GBP1: variants seen among roughly 807,000 people sequenced by gnomAD.
GBP1 encodes the protein guanylate binding protein 1.
In GBP1, 64 loss-of-function variants were observed where a neutral mutation model predicts 69.5. The observed-to-expected ratio is 0.92, with a 90% CI of 0.75 to 1.13. The LOEUF (loss-of-function observed/expected upper bound fraction) is 1.13, where lower values mean the gene tolerates loss of function less well. Among genes scored for constraint, GBP1 ranks in the 50% most tolerant of loss-of-function variants. GBP1 has a pLI of 0.00. For missense variants in GBP1, 630 were observed against 704.1 expected (o/e 0.89, Z 1.19); for synonymous variants, 250 against 261.2 (o/e 0.96, Z 0.41).
intron 4 of GBP1, 40 bp from the exon 5 acceptor site, chr1:89,059,083 G>A (rs1427594178): frequency 1.1e-5 from 17 of 1,612,810 alleles, no homozygotes; most frequent in African/African-American, 1.3e-5. Flanking sequence ...AATGAACAGG[G>A]ACCTCATCCC....
At chr1:89,056,537 T>C (rs1225878200) in intron 7 of GBP1, among the ~76,000 whole-genome samples, 1 of 152,210 alleles carries the variant, frequency 6.6e-6, no homozygotes, top group East Asian at 1.9e-4. Context: ...TCAAGATAAG[T>C]AGGATGAAAA....
chr1:89,054,017 A>G (rs1246449052), intron 10 of GBP1, among the ~76,000 whole-genome samples: 1 of 152,228 alleles, frequency 6.6e-6, no homozygotes, highest in Non-Finnish European at 1.5e-5. Context: ...AGCTGTGTGA[A>G]CTTAATTATT....
chr1:89,061,505 C>T (rs1240293995), intron 2 of GBP1, among the ~76,000 whole-genome samples: 1 of 151,944 alleles, frequency 6.6e-6, no homozygotes, highest in East Asian at 1.9e-4. Flanking sequence ...CAAATATGAA[C>T]TCAAAATGGA....
intron 6 of GBP1, among the ~76,000 whole-genome samples, chr1:89,057,339 T>C (rs1020036285): frequency 6.6e-6 from 1 of 152,240 alleles, no homozygotes; most frequent in Non-Finnish European, 1.5e-5. Context: ...CCTCAGAAGA[T>C]ATGTATGCAT....
At position 89,053,327 on chromosome 1, in the gene GBP1, G is replaced by T. The variant is rs760555399; in HGVS notation, c.*28C>A. The T allele has an allele frequency of 1.9e-6, 3 of 1,571,616 alleles. No individual in the cohort carries two copies. The African/African-American group carries it at 4.1e-5, about 21-fold the overall frequency. ...CTAAAATTGTTTCAATTATGCCTTG[G>T]TTAGGGGTGACAGGAAGGCTCTGGT... On this transcript the variant is annotated 3_prime_UTR_variant, in exon 11 of 11. Coordinates refer to ENST00000370473, the MANE Select transcript of GBP1 (RefSeq NM_002053.3).
At chr1:89,058,569 TAGA>T in intron 5 of GBP1, 2 of 556,528 alleles carry the variant, frequency 3.6e-6, no homozygotes, top group Non-Finnish European at 6.4e-6. Flanking sequence ...TATGGCTAAG[TAGA>T]AGATCACAAA....
intron 5 of GBP1, 35 bp from the exon 6 acceptor site, chr1:89,058,269 A>G (rs1259986734): frequency 6.5e-7 from 1 of 1,530,116 alleles, no homozygotes; most frequent in Middle Eastern, 1.8e-4. Flanking sequence ...AAAATTGCCT[A>G]ATATAAGTGT....
chr1:89,058,840 C>G lies in GBP1; in HGVS notation c.631+1G>C. On this transcript the variant is annotated splice_donor_variant, in intron 5 of 10. Transcript: ENST00000370473. LOFTEE classifies it high-confidence loss of function. ...ATTTATCAGTTGAAGCTCTCTGTTACCTTTCTTCAGCTTCAGGGAGTATGT... is the reference window on the plus strand; with the variant it reads ...ATTTATCAGTTGAAGCTCTCTGTTAGCTTTCTTCAGCTTCAGGGAGTATGT... 1 of 1,613,878 alleles carries G rather than the reference C, an allele frequency of 6.2e-7. No individual in the cohort carries two copies. Among genetic ancestry groups the G allele is most frequent in the Non-Finnish European group, 8.5e-7 (1 of 1,179,756 alleles).
chr1:89,060,642 T>C (rs1680156056), intron 2 of GBP1, among the ~76,000 whole-genome samples: 1 of 152,190 alleles, frequency 6.6e-6, no homozygotes, highest in Non-Finnish European at 1.5e-5. Flanking sequence ...TATAACATCA[T>C]GAACAAGAAA....
In GBP1 at chr1:89,059,417, G is replaced by T. The variant is rs1680128395; in HGVS notation, c.328C>A (p.Gln110Lys). 6.2e-7 allele frequency: 1 copy of T among 1,613,896 alleles called. No homozygotes were observed. The highest frequency in any genetic ancestry group is 1.3e-5 in the African/African-American group (1 of 74,886). The change falls in exon 4 of 11, where the codon CAG becomes AAG. Residue 110 changes from glutamine (Q) to lysine (K), a missense_variant. Transcript: ENST00000370473. ...GLGDVEKGDN[Q>K]NDSWIFALAV... The stretch of plus-strand genomic sequence containing the variant: ...AGGGCGAAGATCCAGGAGTCATTCT[G>T]GTTGTCACCCTGGAAGTCAAGACAC...
At position 89,058,022 on chromosome 1, in the gene GBP1, G is replaced by C. The variant is rs775940254; in HGVS notation, c.844C>G (p.Leu282Val). The change falls in exon 6 of 11, where the codon CTT becomes GTT. Residue 282 changes from leucine to valine, a missense_variant. Physicochemically the swap from Leu to Val is conservative, Grantham distance 32 (BLOSUM62 1). Transcript: ENST00000370473. The part of the protein sequence containing the change: ...YIFSNSKTKT[L>V]SGGIQVNGPR... Reference sequence around the variant, plus strand: ...CCGTTGACCTGGATGCCTCCTGAAAGAGTTTTAGTTTTGGAATTACTAAAG... The same window carrying C: ...CCGTTGACCTGGATGCCTCCTGAAACAGTTTTAGTTTTGGAATTACTAAAG... 3 of 1,613,680 alleles carry C rather than the reference G, an allele frequency of 1.9e-6. No individual in the cohort carries two copies. Among genetic ancestry groups the C allele is most frequent in the South Asian group, 2.2e-5 (2 of 91,050 alleles).
In GBP1 at chr1:89,053,215, A is replaced by T. The variant is rs1679962073; in HGVS notation, c.*140T>A. 1.0e-5 allele frequency: 5 copies of T among 500,872 alleles called. No homozygotes were observed. The highest frequency in any genetic ancestry group is 7.8e-5 in the Admixed American group (2 of 25,478). The allele number at this position is 500,872 out of a possible 1,614,324, so 31.0% of individuals were successfully genotyped here. On this transcript the variant is annotated 3_prime_UTR_variant, in exon 11 of 11. Transcript: ENST00000370473. ...TTTTTTAAGAAAAAACATGATTTTGATCATTGTACCACATGCCTTTATAAA... is the reference window on the plus strand; with the variant it reads ...TTTTTTAAGAAAAAACATGATTTTGTTCATTGTACCACATGCCTTTATAAA...
chr1:89,055,892 G>A, intron 8 of GBP1, 124 bp downstream of exon 8: 1 of 1,178,058 alleles, frequency 8.5e-7, no homozygotes, highest in Non-Finnish European at 1.3e-6. Context: ...ATATGTTATT[G>A]AATAAAAGCA....
In GBP1 at chr1:89,056,766, C is replaced by A. The variant is rs1475500349; in HGVS notation, c.1155+88G>T. On this transcript the variant is annotated intron_variant, in intron 7 of 10. Coordinates refer to ENST00000370473, the MANE Select transcript of GBP1 (RefSeq NM_002053.3). ...CCATTATGGAAGCTAGGAGGAATTA[C>A]TTCCGTCAAAATAAATAATAGTTTT... The A allele has an allele frequency of 3.5e-6, 5 of 1,426,932 alleles. No individual in the cohort carries two copies. In the African/African-American group the frequency reaches 7.1e-5, roughly 20 times the overall value. The allele number at this position is 1,426,932 out of a possible 1,614,324, so 88.4% of individuals were successfully genotyped here. A position where few individuals can be genotyped will look rare whatever the true frequency, so the allele number is the denominator to read the frequency against.
chr1:89,061,683 T>C (rs559356800), intron 2 of GBP1, among the ~76,000 whole-genome samples: 7 of 152,126 alleles, frequency 4.6e-5, no homozygotes, highest in Non-Finnish European at 1.0e-4. Context: ...TTAAAACTTT[T>C]GTGTATTAAC....
intron 8 of GBP1, 190 bp downstream of exon 8, chr1:89,055,826 G>A (rs1680028175): frequency 3.0e-6 from 2 of 673,790 alleles, no homozygotes; most frequent in Non-Finnish European, 5.2e-6. Flanking sequence ...ATAGTTAATT[G>A]ACTGCACTCT....
Position 89,060,389 on chromosome 1 carries a change from A to G in GBP1, c.191-65T>C. On this transcript the variant is annotated intron_variant, in intron 2 of 10. Transcript: ENST00000370473. ...ACAGGCAGTTCTGGCAATTGAAGGA[A>G]AAAGTAGTATATTTAAGGTTAAGAG... is the stretch of plus-strand genomic sequence containing the variant. 1.4e-6 allele frequency: 2 copies of G among 1,404,954 alleles called. 1 individual carries two copies. Among genetic ancestry groups the G allele is most frequent in the South Asian group, 3.2e-5 (2 of 62,942 alleles). 87.0% of individuals were successfully genotyped at this position (1,404,954 alleles called of 1,614,324 possible).
intron 8 of GBP1, 77 bp from the exon 9 acceptor site, chr1:89,055,292 C>T: frequency 6.3e-7 from 1 of 1,592,122 alleles, no homozygotes; most frequent in Non-Finnish European, 8.5e-7. Flanking sequence ...TCCTGCCATC[C>T]TTTCTCCTCT....
intron 8 of GBP1, 76 bp from the exon 9 acceptor site, chr1:89,055,291 C>T (rs542113345): frequency 2.5e-6 from 4 of 1,592,802 alleles, no homozygotes; most frequent in East Asian, 4.5e-5. Context: ...TTCCTGCCAT[C>T]CTTTCTCCTC....
Sources: allele counts gnomAD v4.1 joint callset (sites outside exome capture counted in the v4.1 genomes callset), GRCh38; gene constraint gnomAD v4.1.1; transcripts MANE v1.5; gene names NCBI Gene and HGNC (gene_info 2026-07-23, HGNC 2026-07-21).